The following ZNF277 variants were observed in gnomAD, a reference collection of about 807,000 sequenced individuals.
ZNF277 encodes nuclear receptor-interacting factor 4.
ZNF277 carries 55 observed loss-of-function variants against 60.7 expected under a neutral mutation model. The ratio of observed to expected loss-of-function variants is 0.91; its 90% CI spans 0.73 to 1.13. The LOEUF (loss-of-function observed/expected upper bound fraction) is 1.13, where lower values mean the gene tolerates loss of function less well. ZNF277 is among the 50% of genes most tolerant of loss of function. ZNF277 has a pLI of 0.00. For synonymous variants in ZNF277, 178 were observed against 179.3 expected (o/e 0.99, Z 0.06); for missense variants, 510 against 523.0 (o/e 0.98, Z 0.24).
chr7:112,300,170 A>G (rs1022152968), intron 4 of ZNF277, among the ~76,000 whole-genome samples: 1 of 152,212 alleles, frequency 6.6e-6, no homozygotes, highest in Admixed American at 6.5e-5. Flanking sequence ...AACAGATTTT[A>G]TGCTAGAATC....
intron 1 of ZNF277, among the ~76,000 whole-genome samples, chr7:112,264,271 C>T (rs949999289): frequency 1.3e-5 from 2 of 152,028 alleles, no homozygotes; most frequent in Non-Finnish European, 2.9e-5. Context: ...GAATGCAACT[C>T]CTAAATGCTA....
At chr7:112,278,583 G>A (rs1205917122) in intron 1 of ZNF277, among the ~76,000 whole-genome samples, 1 of 152,094 alleles carries the variant, frequency 6.6e-6, no homozygotes, top group Non-Finnish European at 1.5e-5. Flanking sequence ...CTGTCGGGTG[G>A]AACACTCTAT....
At chr7:112,306,740 C>A (rs1792605657) in intron 4 of ZNF277, among the ~76,000 whole-genome samples, 1 of 151,852 alleles carries the variant, frequency 6.6e-6, no homozygotes. Context: ...GAAAAGGCCT[C>A]CATTTTCATA....
At chr7:112,306,658 C>G (rs1215816407) in intron 4 of ZNF277, among the ~76,000 whole-genome samples, 1 of 152,046 alleles carries the variant, frequency 6.6e-6, no homozygotes, top group African/African-American at 2.4e-5. Context: ...TGTAGGTCTC[C>G]TCATCTACCT....
At chr7:112,227,996 A>G (rs1822219517) in intron 1 of ZNF277, among the ~76,000 whole-genome samples, 1 of 152,096 alleles carries the variant, frequency 6.6e-6, no homozygotes, top group South Asian at 2.1e-4. Flanking sequence ...ATTCGCTCAC[A>G]GTTTTGAAGG....
At chr7:112,302,259 T>A (rs1455902048) in intron 4 of ZNF277, among the ~76,000 whole-genome samples, 1 of 151,970 alleles carries the variant, frequency 6.6e-6, no homozygotes, top group Non-Finnish European at 1.5e-5. Context: ...GTGTCTCACC[T>A]CTCCCCACAA....
intron 1 of ZNF277, among the ~76,000 whole-genome samples, chr7:112,281,411 A>C (rs1791941142): frequency 6.6e-6 from 1 of 152,230 alleles, no homozygotes; most frequent in Admixed American, 6.5e-5. Context: ...CTGAATTCCA[A>C]ATGCCACTTG....
At chr7:112,282,176 G>A (rs1407474100) in intron 1 of ZNF277, among the ~76,000 whole-genome samples, 1 of 152,238 alleles carries the variant, frequency 6.6e-6, no homozygotes, top group Non-Finnish European at 1.5e-5. Context: ...GGAGTTCACA[G>A]ACTAGCACAG....
chr7:112,283,925 G>T (rs559896135), intron 1 of ZNF277, among the ~76,000 whole-genome samples: 1 of 152,116 alleles, frequency 6.6e-6, no homozygotes. Context: ...GCTTATAAAT[G>T]TATATATATA....
At chr7:112,259,635 A>AAAAG (rs34394245) in intron 1 of ZNF277, among the ~76,000 whole-genome samples, 1,718 of 152,230 alleles carry the variant, frequency 0.011, 20 homozygotes, top group African/African-American at 0.033. Context: ...GACTTATTTA[A>AAAAG]AAAGAAAGAA....
At chr7:112,216,951 C>T (rs1821901022) in intron 1 of ZNF277, among the ~76,000 whole-genome samples, 1 of 152,222 alleles carries the variant, frequency 6.6e-6, no homozygotes, top group South Asian at 2.1e-4. Context: ...TCCTATCTCA[C>T]TCTCCTTTCC....
chr7:112,236,294 T>C (rs1226593570), intron 1 of ZNF277, among the ~76,000 whole-genome samples: 1 of 152,116 alleles, frequency 6.6e-6, no homozygotes, highest in Non-Finnish European at 1.5e-5. Context: ...TTAGCATATA[T>C]GTAATGTAAA....
intron 1 of ZNF277, among the ~76,000 whole-genome samples, chr7:112,219,337 G>A (rs1199615166): frequency 6.6e-6 from 1 of 152,096 alleles, no homozygotes. Flanking sequence ...TCTTCTAGGA[G>A]TTTTACAGTT....
At chr7:112,303,328 AAAT>A (rs765991613) in intron 4 of ZNF277, among the ~76,000 whole-genome samples, 2 of 152,134 alleles carry the variant, frequency 1.3e-5, no homozygotes, top group African/African-American at 4.8e-5. Flanking sequence ...GTATGTAAAT[AAAT>A]AATAATATTC....
At chr7:112,339,819 C>G in intron 9 of ZNF277, 24 bp from the exon 10 acceptor site, 1 of 1,602,662 alleles carries the variant, frequency 6.2e-7, no homozygotes, top group Non-Finnish European at 8.5e-7. Flanking sequence ...CATATGCTTA[C>G]AGATGTATTC....
chr7:112,279,897 G>T (rs1791901482), intron 1 of ZNF277, among the ~76,000 whole-genome samples: 2 of 152,124 alleles, frequency 1.3e-5, no homozygotes, highest in South Asian at 4.1e-4. Context: ...GGATGGATTG[G>T]TTGTGCTGTT....
intron 1 of ZNF277, among the ~76,000 whole-genome samples, chr7:112,229,283 G>C (rs943928195): frequency 6.6e-6 from 1 of 152,184 alleles, no homozygotes; most frequent in Admixed American, 6.5e-5. Flanking sequence ...AGAGGACCAG[G>C]AAAGACTAAC....
chr7:112,222,773 G>GT (rs1822067774), intron 1 of ZNF277, among the ~76,000 whole-genome samples: 1 of 152,176 alleles, frequency 6.6e-6, no homozygotes, highest in African/African-American at 2.4e-5. Context: ...AGGATACAAA[G>GT]TATTGATCCT....
intron 1 of ZNF277, among the ~76,000 whole-genome samples, chr7:112,285,914 G>A (rs1022435933): frequency 6.6e-6 from 1 of 152,136 alleles, no homozygotes; most frequent in Admixed American, 6.5e-5. Context: ...TCTTTCTGAA[G>A]AAGGTTCTCT....
Sources: gnomAD v4.1 joint callset for allele counts (sites outside exome capture counted in the v4.1 genomes callset) on GRCh38, gnomAD v4.1.1 for gene constraint, MANE v1.5 for transcripts, NCBI Gene and HGNC (gene_info 2026-07-23, HGNC 2026-07-21) for gene names.